The following WDR7 variants were observed in gnomAD, a reference collection of about 807,000 sequenced individuals.
WDR7 encodes the protein WD repeat domain 7, also known as WD repeat-containing protein 7.
A neutral mutation model predicts 169.4 loss-of-function variants in WDR7; 46 were observed. The ratio of observed to expected loss-of-function variants is 0.27; its 90% CI spans 0.21 to 0.35. The LOEUF (loss-of-function observed/expected upper bound fraction) is 0.35, where lower values mean the gene tolerates loss of function less well. WDR7 is among the 10% of genes least tolerant of loss of function. The probability of loss-of-function intolerance (pLI) is 1.00; values close to 1 mark genes in which losing one functional copy is unlikely to be tolerated. For missense variants in WDR7, 1,534 were observed against 1,859.3 expected, an observed-to-expected ratio of 0.83 and a Z score of 3.22; for synonymous variants, 612 against 666.8, an observed-to-expected ratio of 0.92 and a Z score of 1.27.
At chr18:56,880,503 C>T (rs1208169429) in intron 21 of WDR7, among the ~76,000 whole-genome samples, 2 of 152,164 alleles carry the variant, frequency 1.3e-5, no homozygotes, top group African/African-American at 4.8e-5. Context: ...GCAGTTTGTT[C>T]TGAATGTGGT....
chr18:56,660,117 C>T (rs1358470342), intron 1 of WDR7, among the ~76,000 whole-genome samples: 1 of 152,016 alleles, frequency 6.6e-6, no homozygotes, highest in Admixed American at 6.6e-5. Context: ...AAAGATGATT[C>T]TAGGATTTTG....
chr18:56,914,306 CTTTA>C (rs1369492983), intron 21 of WDR7, among the ~76,000 whole-genome samples: 1 of 152,196 alleles, frequency 6.6e-6, no homozygotes, highest in African/African-American at 2.4e-5. Context: ...TCTTACCCTG[CTTTA>C]TTTTTCTTCA....
intron 21 of WDR7, among the ~76,000 whole-genome samples, chr18:56,899,489 A>G (rs2046372787): frequency 6.6e-6 from 1 of 152,102 alleles, no homozygotes; most frequent in Non-Finnish European, 1.5e-5. Flanking sequence ...AAAAATTCTT[A>G]TATTAAAGAC....
chr18:56,828,823 G>A (rs1259154088), intron 20 of WDR7, among the ~76,000 whole-genome samples: 38 of 152,246 alleles, frequency 2.5e-4, no homozygotes, highest in Admixed American at 2.3e-3. Flanking sequence ...ATCAAAAAAT[G>A]TGCCTCCTAT....
At chr18:56,754,517 C>T (rs1438060885) in intron 14 of WDR7, among the ~76,000 whole-genome samples, 1 of 149,942 alleles carries the variant, frequency 6.7e-6, no homozygotes, top group Non-Finnish European at 1.5e-5. Context: ...GAAATTGGAA[C>T]CATAACTGGT....
intron 14 of WDR7, among the ~76,000 whole-genome samples, chr18:56,748,745 A>G (rs545529216): frequency 2.6e-5 from 4 of 152,228 alleles, no homozygotes; most frequent in South Asian, 4.1e-4. Context: ...TCTAAAATAA[A>G]ATATTTAAGA....
chr18:56,764,089 T>G (rs1366554878), intron 16 of WDR7, among the ~76,000 whole-genome samples: 1 of 152,094 alleles, frequency 6.6e-6, no homozygotes, highest in Non-Finnish European at 1.5e-5. Flanking sequence ...TTAAATGTGC[T>G]CTTATATTTT....
intron 26 of WDR7, among the ~76,000 whole-genome samples, chr18:56,994,016 C>CTTT (rs35579782): frequency 4.6e-5 from 6 of 129,200 alleles, no homozygotes; most frequent in Admixed American, 8.1e-5. Context: ...CTTTTTTTTT[C>CTTT]TTTTTTTTTT....
At chr18:56,761,671 A>G (rs1461401853) in intron 16 of WDR7, among the ~76,000 whole-genome samples, 5 of 151,978 alleles carry the variant, frequency 3.3e-5, no homozygotes, top group Admixed American at 2.0e-4. Flanking sequence ...CATAACTCAT[A>G]TGGTTTTATG....
chr18:56,682,188 G>A (rs1206729569), intron 4 of WDR7, among the ~76,000 whole-genome samples: 1 of 152,130 alleles, frequency 6.6e-6, no homozygotes, highest in African/African-American at 2.4e-5. Context: ...CTGAGGCCCT[G>A]ATTATGTTTG....
intron 21 of WDR7, among the ~76,000 whole-genome samples, chr18:56,920,874 C>G (rs1357989142): frequency 6.6e-6 from 1 of 152,028 alleles, no homozygotes; most frequent in Non-Finnish European, 1.5e-5. Flanking sequence ...GCATTTGGTC[C>G]TCTTTGATCC....
At chr18:56,770,011 C>T (rs139520843) in intron 16 of WDR7, among the ~76,000 whole-genome samples, 1 of 151,942 alleles carries the variant, frequency 6.6e-6, no homozygotes, top group East Asian at 1.9e-4. Flanking sequence ...AGTGATTTAT[C>T]CCAAGTGCTT....
At chr18:56,892,066 C>T (rs1021148973) in intron 21 of WDR7, among the ~76,000 whole-genome samples, 6 of 152,040 alleles carry the variant, frequency 3.9e-5, no homozygotes, top group African/African-American at 1.2e-4. Flanking sequence ...ATGATGTAAT[C>T]TCATCCTACT....
chr18:56,883,161 G>A (rs1451180156), intron 21 of WDR7, among the ~76,000 whole-genome samples: 1 of 151,314 alleles, frequency 6.6e-6, no homozygotes, highest in East Asian at 1.9e-4. Context: ...AGTGAGCCGA[G>A]GTGGCGCCAC....
At position 56,679,347 on chromosome 18, in the gene WDR7, CTGT is replaced by C; in HGVS notation, c.180_182del (p.Leu60del). 6.2e-7 allele frequency: 1 copy of C among 1,610,630 alleles called. No homozygotes were observed. The highest frequency in any genetic ancestry group is 8.5e-7 in the Non-Finnish European group (1 of 1,177,304). ...GCATTTCTAGATTAATCCTCGAGCACTGTTGTTTGGTCATACAGCATCAATCAC... is the reference window on the plus strand; with the variant it reads ...GCATTTCTAGATTAATCCTCGAGCACTGTTTGGTCATACAGCATCAATCAC... On this transcript the variant is annotated inframe_deletion, in exon 3 of 28. Transcript: ENST00000254442.
chr18:56,751,753 TTAAC>T (rs1335558824), intron 14 of WDR7, among the ~76,000 whole-genome samples: 5 of 152,358 alleles, frequency 3.3e-5, no homozygotes, highest in East Asian at 3.9e-4. Context: ...AGTATTCACT[TTAAC>T]TAGTGTTGGT....
chr18:56,716,354 A>T (rs978855950), intron 12 of WDR7, among the ~76,000 whole-genome samples: 8 of 152,152 alleles, frequency 5.3e-5, no homozygotes, highest in African/African-American at 1.9e-4. Flanking sequence ...TTGTAACATG[A>T]GTAAACACCT....
intron 20 of WDR7, among the ~76,000 whole-genome samples, chr18:56,850,742 G>A (rs1199910455): frequency 6.6e-6 from 1 of 152,026 alleles, no homozygotes; most frequent in Non-Finnish European, 1.5e-5. Flanking sequence ...TGAACTCCTG[G>A]CCTCAAGCAG....
At chr18:56,731,290 T>A in intron 13 of WDR7, 93 bp from the exon 14 acceptor site, 2 of 1,417,322 alleles carry the variant, frequency 1.4e-6, no homozygotes, top group Non-Finnish European at 1.9e-6. Context: ...AACATGTTTC[T>A]ACTTAAAAAA....
Sources: gnomAD v4.1 joint callset for allele counts (sites outside exome capture counted in the v4.1 genomes callset) on GRCh38, gnomAD v4.1.1 for gene constraint, MANE v1.5 for transcripts, NCBI Gene and HGNC (gene_info 2026-07-23, HGNC 2026-07-21) for gene names.